Variants in VPS13D observed in about 807,000 individuals in gnomAD.
VPS13D encodes the protein intermembrane lipid transfer protein VPS13D.
VPS13D carries 187 observed loss-of-function variants against 461.9 expected under a neutral mutation model. That is an observed-to-expected ratio of 0.40 (90% CI 0.36 to 0.46). VPS13D has a LOEUF of 0.46. Among genes scored for constraint, VPS13D ranks in the 20% least tolerant of loss-of-function variants. The probability of loss-of-function intolerance (pLI) is 0.60; values close to 1 mark genes in which losing one functional copy is unlikely to be tolerated. For missense variants in VPS13D, 4,711 were observed against 5,364.9 expected (o/e 0.88, Z 3.81); for synonymous variants, 1,951 against 1,986.3 (o/e 0.98, Z 0.47).
intron 31 of VPS13D, among the ~76,000 whole-genome samples, chr1:12,319,039 C>T (rs541090274): frequency 4.6e-5 from 7 of 152,112 alleles, no homozygotes; most frequent in African/African-American, 7.2e-5. Flanking sequence ...TCAAAAATCT[C>T]GATATTAAAT....
chr1:12,403,770 G>A, intron 62 of VPS13D, 55 bp from the exon 63 acceptor site: 1 of 1,488,676 alleles, frequency 6.7e-7, no homozygotes, highest in Non-Finnish European at 9.0e-7. Flanking sequence ...TGGATTCTGT[G>A]GATCATGAGA....
chr1:12,291,985 G>A (rs189804174), intron 23 of VPS13D, among the ~76,000 whole-genome samples: 10 of 152,232 alleles, frequency 6.6e-5, no homozygotes, highest in South Asian at 2.1e-4. Flanking sequence ...AGGGCTGGGC[G>A]TGGTGGCTCA....
chr1:12,353,709 C>T (rs1240952233), intron 46 of VPS13D, among the ~76,000 whole-genome samples: 1 of 151,982 alleles, frequency 6.6e-6, no homozygotes, highest in Admixed American at 6.6e-5. Context: ...AGGGAACTTT[C>T]TGGGGTGAGG....
chr1:12,344,851 C>G (rs529206438), intron 42 of VPS13D: 1 of 152,646 alleles, frequency 6.6e-6, no homozygotes, highest in East Asian at 1.9e-4. Context: ...CTGCCTTCTG[C>G]TCCAGTTTCA....
intron 65 of VPS13D, among the ~76,000 whole-genome samples, chr1:12,441,739 CA>C (rs1013038064): frequency 3.3e-5 from 5 of 152,202 alleles, no homozygotes; most frequent in Non-Finnish European, 5.9e-5. Flanking sequence ...CAATCCAAAT[CA>C]ATACCTTTCA....
intron 65 of VPS13D, among the ~76,000 whole-genome samples, chr1:12,448,263 G>A (rs1448490795): frequency 6.6e-6 from 1 of 152,156 alleles, no homozygotes; most frequent in Non-Finnish European, 1.5e-5. Flanking sequence ...GCCAAATCAG[G>A]CTTTATGGTG....
At chr1:12,247,485 A>G (rs1048608376) in intron 5 of VPS13D, among the ~76,000 whole-genome samples, 1 of 152,044 alleles carries the variant, frequency 6.6e-6, no homozygotes, top group Non-Finnish European at 1.5e-5. Context: ...ACAGAAAGAA[A>G]AAAATTAAAA....
chr1:12,506,144 C>A (rs1443735517), intron 68 of VPS13D, among the ~76,000 whole-genome samples: 1 of 152,222 alleles, frequency 6.6e-6, no homozygotes, highest in South Asian at 2.1e-4. Flanking sequence ...AACTGTCACA[C>A]TGTTCCCAAG....
At chr1:12,381,532 C>T (rs987082138) in intron 57 of VPS13D, among the ~76,000 whole-genome samples, 4 of 152,254 alleles carry the variant, frequency 2.6e-5, no homozygotes, top group Non-Finnish European at 5.9e-5. Context: ...TAATTGAATC[C>T]CTGTGGACCA....
intron 54 of VPS13D, among the ~76,000 whole-genome samples, chr1:12,370,072 T>C (rs1346796266): frequency 2.0e-5 from 3 of 152,204 alleles, no homozygotes; most frequent in South Asian, 4.1e-4. Context: ...CACCATCCCA[T>C]TGAGAATACT....
rs186272948 is a variant in VPS13D, at chr1:12,300,050, T to C, written c.6216+666T>C. Reference sequence around the variant, plus strand: ...CCCCCGACTCCGCTCTAGTAGTTGATGTTAAACAAGTAAACGTGTTTCCCT... The same window carrying C: ...CCCCCGACTCCGCTCTAGTAGTTGACGTTAAACAAGTAAACGTGTTTCCCT... On this transcript the variant is annotated intron_variant, in intron 25 of 69. Coordinates refer to ENST00000620676, the MANE Select transcript of VPS13D (RefSeq NM_015378.4). Among the ~76,000 whole-genome samples, 161 of 152,116 alleles carry C rather than the reference T, an allele frequency of 1.1e-3. 3 individuals are homozygous for C. The South Asian group carries it at 0.015, about 14-fold the overall frequency.
Position 12,304,632 on chromosome 1 carries a change from C to T in VPS13D, c.6343C>T (p.Leu2115=). ...CACGATGCCTCTTGCTGGAATGAGCCTAGGAAGCCTGAAGAGTGAGTTTGT... is the reference window on the plus strand; with the variant it reads ...CACGATGCCTCTTGCTGGAATGAGCTTAGGAAGCCTGAAGAGTGAGTTTGT... ...QFTMPLAGMS[L]GSLKSEFVPS... is the part of the protein sequence containing the mutation. Residue 2115 remains leucine, a synonymous_variant, in exon 26 of 70, where the codon CTA becomes TTA. Coordinates refer to ENST00000620676, the MANE Select transcript of VPS13D (RefSeq NM_015378.4). 6.2e-7 allele frequency: 1 copy of T among 1,614,060 alleles called. No homozygotes were observed. The highest frequency in any genetic ancestry group is 8.5e-7 in the Non-Finnish European group (1 of 1,180,006).
At chr1:12,319,277 T>C (rs1642969522) in intron 31 of VPS13D, among the ~76,000 whole-genome samples, 1 of 152,230 alleles carries the variant, frequency 6.6e-6, no homozygotes, top group Non-Finnish European at 1.5e-5. Context: ...TCCCAGTCTT[T>C]CCTGCTGCTG....
At chr1:12,483,977 A>G (rs2100497706) in intron 67 of VPS13D, among the ~76,000 whole-genome samples, 1 of 151,998 alleles carries the variant, frequency 6.6e-6, no homozygotes, top group East Asian at 1.9e-4. Context: ...CAGCTGGGCA[A>G]CAGAGTGGGA....
rs750892395 is a variant in VPS13D, at chr1:12,268,755, G to A, written c.1851G>A (p.Pro617=). ...PVFEMLYERN[P]AHSHFERRLN... ...TTGAGATGCTGTATGAGAGAAATCC[G>A]GCGCACAGCCACTTTGAGAGGCGGC... The change falls in exon 16 of 70, where the codon CCG becomes CCA. Residue 617 remains proline, a synonymous_variant. Transcript: ENST00000620676. 2.8e-5 allele frequency: 45 copies of A among 1,613,876 alleles called. No homozygotes were observed. Among genetic ancestry groups the A allele is most frequent in the Middle Eastern group, 3.3e-4 (2 of 6,084 alleles).
At chr1:12,508,587 G>A (rs1646144503) in intron 69 of VPS13D, among the ~76,000 whole-genome samples, 1 of 150,338 alleles carries the variant, frequency 6.7e-6, no homozygotes, top group Admixed American at 6.6e-5. Context: ...GCACATGCCT[G>A]TAGTCCCAGC....
chr1:12,339,451 C>G (rs980915275), intron 40 of VPS13D, among the ~76,000 whole-genome samples: 1 of 152,168 alleles, frequency 6.6e-6, no homozygotes, highest in Non-Finnish European at 1.5e-5. Context: ...GAAACAAGTC[C>G]GAAGGGGTAG....
At chr1:12,236,368 A>T (rs1459099429) in intron 2 of VPS13D, among the ~76,000 whole-genome samples, 1 of 151,924 alleles carries the variant, frequency 6.6e-6, no homozygotes, top group Non-Finnish European at 1.5e-5. Flanking sequence ...AGGGTACTAG[A>T]TAGGAATGAG....
At chr1:12,390,994 C>G (rs1644418371) in intron 60 of VPS13D, among the ~76,000 whole-genome samples, 1 of 152,210 alleles carries the variant, frequency 6.6e-6, no homozygotes, top group Non-Finnish European at 1.5e-5. Flanking sequence ...CAAGTATCTT[C>G]AGTTTTTGAC....
Sources: allele counts gnomAD v4.1 joint callset (sites outside exome capture counted in the v4.1 genomes callset), GRCh38; gene constraint gnomAD v4.1.1; transcripts MANE v1.5; gene names NCBI Gene and HGNC (gene_info 2026-07-23, HGNC 2026-07-21).